The following LRRC8D variants were observed in gnomAD, a reference collection of about 807,000 sequenced individuals.
The protein encoded by LRRC8D is leucine rich repeat containing 8 VRAC subunit D, also known as volume-regulated anion channel subunit LRRC8D.
LRRC8D carries 20 observed loss-of-function variants against 55.8 expected under a neutral mutation model. The ratio of observed to expected loss-of-function variants is 0.36; its 90% CI spans 0.25 to 0.52. LRRC8D has a LOEUF of 0.52. LRRC8D is among the 20% of genes least tolerant of loss of function. The pLI is 0.93. For synonymous variants in LRRC8D, 352 were observed against 377.0 expected (o/e 0.93, Z 0.77); for missense variants, 651 against 1,030.8 (o/e 0.63, Z 5.05).
chr1:89,890,296 GTGTTGATTGATGCTCT>G lies in LRRC8D; in HGVS notation c.-2-42768_-2-42753del, dbSNP rs1344614334. Among the ~76,000 whole-genome samples the G allele has an allele frequency of 3.3e-5, 5 of 152,308 alleles. No individual in the cohort carries two copies. The East Asian group carries it at 9.7e-4, about 29-fold the overall frequency. Reference sequence around the variant, plus strand: ...GCCTGGGGGCCTCCGTGTTACAAAAGTGTTGATTGATGCTCTTGATAATGGAGCTGAGTCATCAAGA... The same window carrying G: ...GCCTGGGGGCCTCCGTGTTACAAAAGTGATAATGGAGCTGAGTCATCAAGA... On this transcript the variant is annotated intron_variant, in intron 2 of 2. Coordinates refer to ENST00000337338, the MANE Select transcript of LRRC8D (RefSeq NM_001134479.2).
intron 2 of LRRC8D, among the ~76,000 whole-genome samples, chr1:89,871,842 T>A (rs993229435): frequency 6.6e-6 from 1 of 152,230 alleles, no homozygotes; most frequent in African/African-American, 2.4e-5. Context: ...TTGAAAATCT[T>A]ATGAGGCCTT....
chr1:89,882,474 C>T lies in LRRC8D; in HGVS notation c.-3+38692C>T, dbSNP rs186308870. On this transcript the variant is annotated intron_variant, in intron 2 of 2. Coordinates refer to ENST00000337338, the MANE Select transcript of LRRC8D (RefSeq NM_001134479.2). Reference sequence around the variant, plus strand: ...TTTACTCTGTGAGATACACTGCAGGCGCTGTGAGTCCACAGATGGTAAATG... The same window carrying T: ...TTTACTCTGTGAGATACACTGCAGGTGCTGTGAGTCCACAGATGGTAAATG... 3.6e-4 allele frequency among the ~76,000 whole-genome samples: 55 copies of T among 152,242 alleles called. No homozygotes were observed. The Middle Eastern group carries it at 0.014, about 38-fold the overall frequency.
In LRRC8D at chr1:89,911,460, T is replaced by G. The variant is rs528417232; in HGVS notation, c.-2-21607T>G. On this transcript the variant is annotated intron_variant, in intron 2 of 2. Coordinates refer to ENST00000337338, the MANE Select transcript of LRRC8D (RefSeq NM_001134479.2). This position sits in a 1 kb window ranked among gnomAD's most constrained non-coding sequence, Gnocchi z 4.0. ...AGTTATAGCTCCTTGTCGAAATGTGTTTGTATAATTTGACTTTATGTTCAA... is the reference window on the plus strand; with the variant it reads ...AGTTATAGCTCCTTGTCGAAATGTGGTTGTATAATTTGACTTTATGTTCAA... Among the ~76,000 whole-genome samples, 3 of 152,282 alleles carry G rather than the reference T, an allele frequency of 2.0e-5. No individual in the cohort carries two copies. In the East Asian group the frequency reaches 5.8e-4, roughly 29 times the overall value.
chr1:89,822,398 A>T (rs1056392238), intron 1 of LRRC8D, among the ~76,000 whole-genome samples: 6 of 152,144 alleles, frequency 3.9e-5, no homozygotes, highest in African/African-American at 1.4e-4. Flanking sequence ...CTTGGCTTAT[A>T]TTTGGCTCCT....
In LRRC8D at chr1:89,936,557, T is replaced by C. The variant is rs72716357; in HGVS notation, c.*912T>C. 0.047 allele frequency: 7,177 copies of C among 152,272 alleles called. 254 individuals are homozygous for C. The highest frequency in any genetic ancestry group is 0.085 in the Middle Eastern group (25 of 294). The allele number at this position is 152,272 out of a possible 1,614,324, so 9.4% of individuals were successfully genotyped here. A position where few individuals can be genotyped will look rare whatever the true frequency, so the allele number is the denominator to read the frequency against. ...TGTTGTTCTGGTGTTGGTGGGAAAA[T>C]AATAGGAAATGTAGTTCATTGGGTA... On this transcript the variant is annotated 3_prime_UTR_variant, in exon 3 of 3. Transcript: ENST00000337338.
chr1:89,868,526 C>G (rs528585246), intron 2 of LRRC8D, among the ~76,000 whole-genome samples: 1 of 152,016 alleles, frequency 6.6e-6, no homozygotes, highest in Non-Finnish European at 1.5e-5. Context: ...TCAGCATATT[C>G]CCCCACCCCC....
intron 2 of LRRC8D, among the ~76,000 whole-genome samples, chr1:89,903,742 C>T (rs1302846225): frequency 6.6e-6 from 1 of 152,160 alleles, no homozygotes; most frequent in Non-Finnish European, 1.5e-5. Context: ...GGGGTGTTTG[C>T]TGATGTTCAT....
At chr1:89,891,361 A>G (rs370456403) in intron 2 of LRRC8D, among the ~76,000 whole-genome samples, 190 of 152,314 alleles carry the variant, frequency 1.2e-3, no homozygotes, top group South Asian at 0.011. Flanking sequence ...GATGCACGTG[A>G]TGCTGATATG....
Position 89,843,678 on chromosome 1 carries a change from ATGGAGGAGTGAAGT to A in LRRC8D, c.-106_-93del. On this transcript the variant is annotated 5_prime_UTR_variant, in exon 2 of 3. It removes an upstream start codon present in the reference 5' UTR. Coordinates refer to ENST00000337338, the MANE Select transcript of LRRC8D (RefSeq NM_001134479.2). ...CTATAACGTGCTGCCGGGTCTCAGG[ATGGAGGAGTGAAGT>A]CTCCTGTCGCCGTGGTTCCAGCCTC... The A allele has an allele frequency of 1.4e-6, 1 of 702,202 alleles. No individual in the cohort carries two copies. The highest frequency in any genetic ancestry group is 2.6e-6 in the Non-Finnish European group (1 of 384,798). 43.5% of individuals were successfully genotyped at this position (702,202 alleles called of 1,614,324 possible). A position where few individuals can be genotyped will look rare whatever the true frequency, so the allele number is the denominator to read the frequency against.
chr1:89,935,417 A>G lies in LRRC8D; in HGVS notation c.2349A>G (p.Gly783=). ...TAAAGTTGAGGACTTTGAATCTGGG[A>G]CAGAACTGCATCACCTCACTCCCAG... The part of the protein sequence containing the change: ...KCIKLRTLNL[G]QNCITSLPEK... Residue 783 remains glycine, a synonymous_variant, in exon 3 of 3, where the codon GGA becomes GGG. Transcript: ENST00000337338. 2 of 1,614,254 alleles carry G rather than the reference A, an allele frequency of 1.2e-6. No homozygotes were observed. The highest frequency in any genetic ancestry group is 1.7e-6 in the Non-Finnish European group (2 of 1,180,032).
chr1:89,877,930 C>T (rs1056722690), intron 2 of LRRC8D, among the ~76,000 whole-genome samples: 3 of 152,234 alleles, frequency 2.0e-5, no homozygotes, highest in African/African-American at 7.2e-5. Context: ...AATCTCCTAA[C>T]ATGAGTATGC....
chr1:89,872,956 T>C (rs1303424191), intron 2 of LRRC8D, among the ~76,000 whole-genome samples: 5 of 152,254 alleles, frequency 3.3e-5, no homozygotes, highest in Non-Finnish European at 5.9e-5. Context: ...TTGGGAATTT[T>C]AGATAGGAAT....
chr1:89,879,977 T>G (rs977947447), intron 2 of LRRC8D, among the ~76,000 whole-genome samples: 3 of 152,002 alleles, frequency 2.0e-5, no homozygotes, highest in African/African-American at 7.2e-5. Context: ...TCTAGAGAGA[T>G]AGTGTGGACT....
chr1:89,856,317 A>G (rs1334955677), intron 2 of LRRC8D, among the ~76,000 whole-genome samples: 2 of 152,156 alleles, frequency 1.3e-5, no homozygotes, highest in Admixed American at 6.6e-5. Context: ...GGCATCTGCT[A>G]CAGTAATCTC....
At position 89,895,003 on chromosome 1, in the gene LRRC8D, C is replaced by A. The variant is rs112183201; in HGVS notation, c.-2-38064C>A. ...TCTGTAGGTGAAGGTCTCCCACCCC[C>A]ACCCCACCCACTGATCACTCAGTAA... On this transcript the variant is annotated intron_variant, in intron 2 of 2. Coordinates refer to ENST00000337338, the MANE Select transcript of LRRC8D (RefSeq NM_001134479.2). 6.6e-3 allele frequency among the ~76,000 whole-genome samples: 1,009 copies of A among 152,184 alleles called. 10 individuals carry two copies. Among genetic ancestry groups the A allele is most frequent in the African/African-American group, 0.024 (980 of 41,526 alleles).
At chr1:89,884,571 G>A (rs945815397) in intron 2 of LRRC8D, among the ~76,000 whole-genome samples, 13 of 152,212 alleles carry the variant, frequency 8.5e-5, no homozygotes, top group Non-Finnish European at 1.8e-4. Context: ...TTGGGGAAGC[G>A]ATAGAGTGGA....
intron 2 of LRRC8D, among the ~76,000 whole-genome samples, chr1:89,919,533 A>G (rs2100967046): frequency 6.6e-6 from 1 of 152,362 alleles, no homozygotes; most frequent in Middle Eastern, 3.4e-3. Flanking sequence ...GTCAAGTTTA[A>G]TCTAAGATGT....
intron 1 of LRRC8D, among the ~76,000 whole-genome samples, chr1:89,826,895 G>C (rs1242849896): frequency 6.6e-6 from 1 of 152,212 alleles, no homozygotes; most frequent in Non-Finnish European, 1.5e-5. Flanking sequence ...TGAGTTTCTT[G>C]TGGGCAAATA....
rs1424377077 is a variant in LRRC8D, at chr1:89,843,672, C to T, written c.-113C>T. 1.4e-6 allele frequency: 1 copy of T among 702,386 alleles called. No homozygotes were observed. Among genetic ancestry groups the T allele is most frequent in the Admixed American group, 2.0e-5 (1 of 50,004 alleles). The allele number at this position is 702,386 out of a possible 1,614,324, so 43.5% of individuals were successfully genotyped here. A position where few individuals can be genotyped will look rare whatever the true frequency, so the allele number is the denominator to read the frequency against. ...GGCTGTCTATAACGTGCTGCCGGGT[C>T]TCAGGATGGAGGAGTGAAGTCTCCT... On this transcript the variant is annotated 5_prime_UTR_variant, in exon 2 of 3. Transcript: ENST00000337338.
Sources: allele counts gnomAD v4.1 joint callset (sites outside exome capture counted in the v4.1 genomes callset), GRCh38; gene constraint gnomAD v4.1.1; non-coding constraint Gnocchi (gnomAD v3.1); transcripts MANE v1.5; gene names NCBI Gene and HGNC (gene_info 2026-07-23, HGNC 2026-07-21).